PTPRG: variants seen among roughly 807,000 people sequenced by gnomAD.
PTPRG encodes receptor-type tyrosine-protein phosphatase gamma.
A neutral mutation model predicts 165.3 loss-of-function variants in PTPRG; 102 were observed. That is an observed-to-expected ratio of 0.62 (90% confidence interval 0.53 to 0.73). The LOEUF (loss-of-function observed/expected upper bound fraction) is 0.73. Ranked by LOEUF, PTPRG falls within the 30% of genes least tolerant of loss-of-function variation. The pLI is 0.00. For synonymous variants in PTPRG, 675 were observed against 669.5 expected, an observed-to-expected ratio of 1.01 and a Z score of -0.13; for missense variants, 1,866 against 1,861.4, an observed-to-expected ratio of 1.00 and a Z score of -0.05.
chr3:61,961,621 A>G (rs942194767), intron 2 of PTPRG, among the ~76,000 whole-genome samples: 2 of 152,160 alleles, frequency 1.3e-5, no homozygotes, highest in Non-Finnish European at 2.9e-5. Flanking sequence ...AAATAGAAAC[A>G]GACTGAGAAA....
intron 16 of PTPRG, among the ~76,000 whole-genome samples, chr3:62,259,470 A>G (rs989354432): frequency 3.5e-4 from 54 of 152,224 alleles, no homozygotes; most frequent in African/African-American, 1.2e-3. Context: ...GCTGCTTTCA[A>G]AGCCATCCTG....
chr3:61,955,400 T>A (rs1251491318), intron 2 of PTPRG, among the ~76,000 whole-genome samples: 1 of 152,232 alleles, frequency 6.6e-6, no homozygotes, highest in Admixed American at 6.5e-5. Context: ...GTTTAAATAG[T>A]TTTTAATTTT....
intron 5 of PTPRG, among the ~76,000 whole-genome samples, chr3:62,099,347 T>C (rs1206883086): frequency 6.6e-6 from 1 of 152,226 alleles, no homozygotes; most frequent in Non-Finnish European, 1.5e-5. Context: ...TCTTTCAAAA[T>C]GGTATTTTAG....
intron 2 of PTPRG, among the ~76,000 whole-genome samples, chr3:61,760,656 T>C (rs1322368161): frequency 6.6e-6 from 1 of 152,176 alleles, no homozygotes; most frequent in Non-Finnish European, 1.5e-5. Flanking sequence ...GCAGGTTTGT[T>C]ACAAAGGGAA....
At position 61,606,642 on chromosome 3, in the gene PTPRG, A is replaced by G. The variant is rs6805288; in HGVS notation, c.85+44270A>G. 7.2e-3 allele frequency among the ~76,000 whole-genome samples: 1,103 copies of G among 152,354 alleles called. 10 individuals are homozygous for G. Among genetic ancestry groups the G allele is most frequent in the African/African-American group, 0.025 (1,049 of 41,584 alleles). The stretch of plus-strand genomic sequence containing the variant: ...TTTTCTTACACTTCTGGAGGCTGGG[A>G]AGCCCAGGATCAAGGCACTGGAGGC... On this transcript the variant is annotated intron_variant, in intron 1 of 29. Transcript: ENST00000474889.
intron 5 of PTPRG, among the ~76,000 whole-genome samples, chr3:62,103,479 C>A (rs1044552177): frequency 1.3e-5 from 2 of 152,172 alleles, no homozygotes; most frequent in Non-Finnish European, 2.9e-5. Flanking sequence ...GTTTTTAAAC[C>A]TTTTTCCTGT....
intron 4 of PTPRG, among the ~76,000 whole-genome samples, chr3:62,055,181 T>A (rs935616662): frequency 6.6e-6 from 1 of 152,250 alleles, no homozygotes; most frequent in African/African-American, 2.4e-5. Context: ...GTCCACACTT[T>A]CATTGCATTG....
At chr3:61,870,262 A>T (rs2037527393) in intron 2 of PTPRG, among the ~76,000 whole-genome samples, 1 of 152,000 alleles carries the variant, frequency 6.6e-6, no homozygotes, top group Non-Finnish European at 1.5e-5. Flanking sequence ...AAGTTTTGGT[A>T]CATAACATAC....
intron 2 of PTPRG, among the ~76,000 whole-genome samples, chr3:61,842,756 C>T (rs921482366): frequency 6.6e-6 from 1 of 151,276 alleles, no homozygotes; most frequent in Non-Finnish European, 1.5e-5. Flanking sequence ...TACTTCTAGG[C>T]CTGACCCATA....
chr3:61,960,929 A>T (rs1396437065), intron 2 of PTPRG, among the ~76,000 whole-genome samples: 1 of 152,158 alleles, frequency 6.6e-6, no homozygotes, highest in South Asian at 2.1e-4. Flanking sequence ...TTCACTGATC[A>T]GCTGTGTTAA....
chr3:61,821,458 C>G lies in PTPRG; in HGVS notation c.190+72476C>G, dbSNP rs1036160551. ...TGTTGGGATTACAGGCGTGAGCCAC[C>G]GCGCACTGCCGTCTGCTCTTCTTAA... On this transcript the variant is annotated intron_variant, in intron 2 of 29. Coordinates refer to ENST00000474889, the MANE Select transcript of PTPRG (RefSeq NM_002841.4). Among the ~76,000 whole-genome samples the G allele has an allele frequency of 3.9e-5, 6 of 152,110 alleles. No homozygotes were observed. In the South Asian group the frequency reaches 6.2e-4, roughly 16 times the overall value.
intron 7 of PTPRG, among the ~76,000 whole-genome samples, chr3:62,159,156 T>C (rs1704649138): frequency 2.6e-5 from 4 of 151,562 alleles, no homozygotes; most frequent in Non-Finnish European, 5.9e-5. Flanking sequence ...AAGACCCCAA[T>C]CTCTGCAAAA....
intron 2 of PTPRG, among the ~76,000 whole-genome samples, chr3:61,976,566 A>G (rs1406888173): frequency 6.6e-6 from 1 of 152,218 alleles, no homozygotes; most frequent in African/African-American, 2.4e-5. Flanking sequence ...ATAAAATAGA[A>G]TATTGACTTC....
chr3:61,646,355 G>A (rs999109325), intron 1 of PTPRG, among the ~76,000 whole-genome samples: 1 of 152,138 alleles, frequency 6.6e-6, no homozygotes, highest in Non-Finnish European at 1.5e-5. Flanking sequence ...AAGTGATAAC[G>A]CCTGCCTTGG....
intron 6 of PTPRG, among the ~76,000 whole-genome samples, chr3:62,136,255 A>G (rs1703705547): frequency 1.3e-5 from 2 of 152,210 alleles, no homozygotes; most frequent in Non-Finnish European, 2.9e-5. Context: ...CCATGTATGC[A>G]TATGCTTGGT....
At chr3:62,239,417 A>G (rs1701107985) in intron 14 of PTPRG, among the ~76,000 whole-genome samples, 1 of 133,662 alleles carries the variant, frequency 7.5e-6, no homozygotes, top group Non-Finnish European at 1.5e-5. Context: ...GCTAGAGTGC[A>G]GTGGTGTGAT....
intron 2 of PTPRG, among the ~76,000 whole-genome samples, chr3:61,825,749 A>G (rs2107272976): frequency 6.7e-6 from 1 of 149,364 alleles, no homozygotes; most frequent in East Asian, 2.0e-4. Context: ...GGCTCATGCC[A>G]TTCTCCCTCC....
chr3:61,633,011 A>G (rs910038456), intron 1 of PTPRG, among the ~76,000 whole-genome samples: 27 of 152,220 alleles, frequency 1.8e-4, no homozygotes, highest in African/African-American at 6.5e-4. Context: ...AGTTACACAG[A>G]AAGAGTCATC....
intron 5 of PTPRG, among the ~76,000 whole-genome samples, chr3:62,104,888 T>G (rs1252731435): frequency 6.6e-6 from 1 of 152,218 alleles, no homozygotes; most frequent in Non-Finnish European, 1.5e-5. Context: ...CTAGAACTAT[T>G]GCATTGAAAA....
Sources: gnomAD v4.1 joint callset for allele counts (sites outside exome capture counted in the v4.1 genomes callset) on GRCh38, gnomAD v4.1.1 for gene constraint, MANE v1.5 for transcripts, NCBI Gene and HGNC (gene_info 2026-07-23, HGNC 2026-07-21) for gene names.